Variants in LRRC1 observed in about 807,000 individuals in gnomAD.
LRRC1 encodes the protein leucine rich repeat containing 1.
Under a neutral mutation model 69.9 loss-of-function variants are expected in LRRC1, and 28 were observed. That is an observed-to-expected ratio of 0.40 (90% CI 0.30 to 0.55). The LOEUF is 0.55. LRRC1 is among the 20% of genes least tolerant of loss of function. The pLI is 0.47. For synonymous variants in LRRC1, 236 were observed against 240.2 expected, an observed-to-expected ratio of 0.98 and a Z score of 0.16; for missense variants, 498 against 609.0, an observed-to-expected ratio of 0.82 and a Z score of 1.92.
At chr6:53,905,796 C>G (rs986427283) in intron 10 of LRRC1, among the ~76,000 whole-genome samples, 7 of 152,122 alleles carry the variant, frequency 4.6e-5, no homozygotes, top group African/African-American at 1.7e-4. Flanking sequence ...TAAACATGAT[C>G]ATATTCTGAA....
At chr6:53,889,798 A>G (rs1767616332) in intron 4 of LRRC1, among the ~76,000 whole-genome samples, 2 of 152,338 alleles carry the variant, frequency 1.3e-5, no homozygotes, top group Non-Finnish European at 2.9e-5. Flanking sequence ...TGTGAATTAT[A>G]TCTCCGTAAA....
chr6:53,805,704 G>C (rs1446193589), intron 1 of LRRC1, among the ~76,000 whole-genome samples: 26 of 152,240 alleles, frequency 1.7e-4, no homozygotes, highest in Admixed American at 1.7e-3. Context: ...GCTGAGAACA[G>C]TATCTGGGAG....
At chr6:53,798,244 C>T (rs984271191) in intron 1 of LRRC1, among the ~76,000 whole-genome samples, 1 of 152,238 alleles carries the variant, frequency 6.6e-6, no homozygotes, top group African/African-American at 2.4e-5. Flanking sequence ...GTGATAGCCT[C>T]ACCATCCTTT....
At chr6:53,822,945 G>A (rs551150107) in intron 1 of LRRC1, among the ~76,000 whole-genome samples, 5 of 152,272 alleles carry the variant, frequency 3.3e-5, no homozygotes, top group South Asian at 2.1e-4. Context: ...CAGAGCAAAC[G>A]CTGTCATATG....
intron 2 of LRRC1, among the ~76,000 whole-genome samples, chr6:53,859,829 A>G (rs76512554): frequency 6.6e-6 from 1 of 152,340 alleles, no homozygotes; most frequent in East Asian, 1.9e-4. Flanking sequence ...TGGAAACACA[A>G]TGGGATAAAT....
chr6:53,856,820 G>A (rs570643821), intron 2 of LRRC1, among the ~76,000 whole-genome samples: 1 of 152,278 alleles, frequency 6.6e-6, no homozygotes, highest in East Asian at 1.9e-4. Flanking sequence ...GGACAGCCTG[G>A]ATGTGGGAGG....
chr6:53,840,915 T>A (rs1443609999), intron 1 of LRRC1, among the ~76,000 whole-genome samples: 1 of 145,188 alleles, frequency 6.9e-6, no homozygotes, highest in Non-Finnish European at 1.5e-5. Context: ...TGTGTGTGTG[T>A]GTGTGTGTGT....
intron 1 of LRRC1, among the ~76,000 whole-genome samples, chr6:53,811,389 T>A (rs4476827): frequency 0.19 from 28,417 of 152,146 alleles, 2,910 homozygotes; most frequent in Middle Eastern, 0.33. Flanking sequence ...TGGCAGAGGG[T>A]CAACAGTAGC....
chr6:53,904,266 T>A, intron 9 of LRRC1, 113 bp from the exon 10 acceptor site: 2 of 622,946 alleles, frequency 3.2e-6, no homozygotes, highest in South Asian at 2.2e-5. Context: ...CAAGAACTAT[T>A]GCTTCTGTTG....
chr6:53,913,895 C>A lies in LRRC1; in HGVS notation c.1032C>A (p.Asp344Glu). The change falls in exon 11 of 14, where the codon GAC becomes GAA. Residue 344 changes from aspartate (D) to glutamate (E), a missense_variant. By Grantham distance (45) the Asp-to-Glu change is conservative (BLOSUM62 2). Transcript: ENST00000370888. ...CCSLTVFCVR[D>E]NRLTRIPAEV... ...GCCTCACTGTGTTCTGTGTACGTGA[C>A]AACAGACTAACTCGGATACCTGCAG... The A allele has an allele frequency of 6.2e-7, 1 of 1,612,716 alleles. No individual in the cohort carries two copies. The highest frequency in any genetic ancestry group is 8.5e-7 in the Non-Finnish European group (1 of 1,178,958).
At chr6:53,857,118 C>A (rs573466942) in intron 2 of LRRC1, among the ~76,000 whole-genome samples, 2 of 152,142 alleles carry the variant, frequency 1.3e-5, no homozygotes, top group South Asian at 4.2e-4. Context: ...AGTTCTGAGG[C>A]TCAGGGGAGA....
At chr6:53,905,811 C>G (rs1411120315) in intron 10 of LRRC1, among the ~76,000 whole-genome samples, 1 of 152,122 alleles carries the variant, frequency 6.6e-6, no homozygotes, top group Non-Finnish European at 1.5e-5. Context: ...TCTGAAACAT[C>G]CTTAATATGA....
At chr6:53,861,821 C>T (rs544064374) in intron 2 of LRRC1, among the ~76,000 whole-genome samples, 1 of 151,922 alleles carries the variant, frequency 6.6e-6, no homozygotes, top group South Asian at 2.1e-4. Flanking sequence ...TTGACAAACA[C>T]TATAGTTCGG....
chr6:53,886,558 G>A (rs1767487402), intron 4 of LRRC1, among the ~76,000 whole-genome samples: 1 of 152,086 alleles, frequency 6.6e-6, no homozygotes, highest in Admixed American at 6.5e-5. Flanking sequence ...TTTTTGTACT[G>A]CATCATTTAT....
At chr6:53,847,005 G>A (rs1219843007) in intron 2 of LRRC1, among the ~76,000 whole-genome samples, 5 of 152,180 alleles carry the variant, frequency 3.3e-5, no homozygotes, top group Non-Finnish European at 5.9e-5. Context: ...ACAGTACTAT[G>A]TCATTATCCA....
At chr6:53,912,999 G>A (rs1188573079) in intron 10 of LRRC1, among the ~76,000 whole-genome samples, 1 of 152,176 alleles carries the variant, frequency 6.6e-6, no homozygotes, top group Admixed American at 6.5e-5. Context: ...TTTCCTGACT[G>A]TAAAAACCAC....
chr6:53,882,949 T>C lies in LRRC1; in HGVS notation c.419T>C (p.Leu140Pro). ...LTCLSVNDIS[L>P]QSLPENIGNL... ...TGTCTTTCTGTAAATGACATCTCAC[T>C]ACAGTCTCTACCTGAAAATATTGGC... Residue 140 changes from leucine (L) to proline (P), a missense_variant, in exon 4 of 14, where the codon CTA (leucine) becomes CCA (proline). By Grantham distance (98) the Leu-to-Pro change is moderately conservative. This residue lies in a region of LRRC1 where 266 missense variants were observed against 383.9 expected (regional missense o/e 0.69). Coordinates refer to ENST00000370888, the MANE Select transcript of LRRC1 (RefSeq NM_018214.5). The C allele has an allele frequency of 6.2e-7, 1 of 1,610,580 alleles. No homozygotes were observed. Among genetic ancestry groups the C allele is most frequent in the Non-Finnish European group, 8.5e-7 (1 of 1,178,686 alleles).
intron 2 of LRRC1, among the ~76,000 whole-genome samples, chr6:53,851,324 G>T (rs1248798364): frequency 6.6e-6 from 1 of 152,040 alleles, no homozygotes; most frequent in African/African-American, 2.4e-5. Flanking sequence ...TCCAGGATTT[G>T]CCCTCTGCAG....
chr6:53,919,476 TTA>T lies in LRRC1; in HGVS notation c.1107-21_1107-20del. The T allele has an allele frequency of 2.4e-6, 3 of 1,226,226 alleles. No homozygotes were observed. The highest frequency in any genetic ancestry group is 3.3e-6 in the Non-Finnish European group (3 of 916,254). The allele number at this position is 1,226,226 out of a possible 1,614,324, so 76.0% of individuals were successfully genotyped here. On this transcript the variant is annotated intron_variant, in intron 11 of 13. Transcript: ENST00000370888. Reference sequence around the variant, plus strand: ...ATTTGAGGTTGTGATGTCTCTTTTTTTAAAAAAAAAAAAAAAAACAGGTTGCT... The same window carrying T: ...ATTTGAGGTTGTGATGTCTCTTTTTTAAAAAAAAAAAAAAAACAGGTTGCT...
Sources: allele counts gnomAD v4.1 joint callset (sites outside exome capture counted in the v4.1 genomes callset), GRCh38; gene constraint gnomAD v4.1.1; regional missense constraint gnomAD v4.1.1; transcripts MANE v1.5; gene names NCBI Gene and HGNC (gene_info 2026-07-23, HGNC 2026-07-21).